Variants in PPP1R9A observed in about 807,000 individuals in gnomAD.
The protein encoded by PPP1R9A is protein phosphatase 1 regulatory subunit 9A.
In PPP1R9A, 59 loss-of-function variants were observed where a neutral mutation model predicts 141.9. The ratio of observed to expected loss-of-function variants is 0.42; its 90% CI spans 0.34 to 0.52. The LOEUF is 0.52. Among genes scored for constraint, PPP1R9A ranks in the 20% least tolerant of loss-of-function variants. The pLI is 0.10. For missense variants in PPP1R9A, 1,444 were observed against 1,611.9 expected (o/e 0.90, Z 1.78); for synonymous variants, 500 against 569.7 (o/e 0.88, Z 1.74).
intron 4 of PPP1R9A, among the ~76,000 whole-genome samples, chr7:95,154,056 T>C (rs919916595): frequency 2.0e-5 from 3 of 152,066 alleles, no homozygotes; most frequent in Admixed American, 2.0e-4. Context: ...TTTTTTAGTG[T>C]CCATTTTGTT....
At chr7:95,112,035 G>A (rs552145529) in intron 3 of PPP1R9A, among the ~76,000 whole-genome samples, 1 of 150,804 alleles carries the variant, frequency 6.6e-6, no homozygotes, top group Admixed American at 6.6e-5. Flanking sequence ...CTCTGAGAGA[G>A]CTTTGAAAAA....
chr7:95,110,897 G>T (rs897312213), intron 2 of PPP1R9A, among the ~76,000 whole-genome samples: 1 of 152,130 alleles, frequency 6.6e-6, no homozygotes, highest in Non-Finnish European at 1.5e-5. Flanking sequence ...GTAGGTATTT[G>T]CTTAGGTAGC....
At chr7:94,931,819 C>G (rs762650080) in intron 2 of PPP1R9A, among the ~76,000 whole-genome samples, 12 of 152,214 alleles carry the variant, frequency 7.9e-5, no homozygotes, top group Non-Finnish European at 1.5e-4. Flanking sequence ...CTCAGGTCAT[C>G]TGCCAGGCTT....
intron 12 of PPP1R9A, among the ~76,000 whole-genome samples, chr7:95,264,207 G>C (rs1440701492): frequency 2.0e-5 from 3 of 152,196 alleles, no homozygotes; most frequent in Non-Finnish European, 4.4e-5. Flanking sequence ...ATGATATGCA[G>C]ATACTGTTCA....
At chr7:95,095,228 A>G (rs1817872225) in intron 2 of PPP1R9A, among the ~76,000 whole-genome samples, 1 of 152,176 alleles carries the variant, frequency 6.6e-6, no homozygotes, top group South Asian at 2.1e-4. Flanking sequence ...ATTTTAATAA[A>G]GAAATTACCA....
intron 2 of PPP1R9A, among the ~76,000 whole-genome samples, chr7:94,954,970 G>T (rs998673339): frequency 6.6e-6 from 1 of 151,202 alleles, no homozygotes; most frequent in Non-Finnish European, 1.5e-5. Context: ...GGTCATTTTT[G>T]TTATTCTGCT....
At chr7:95,152,862 TGAGGCAGAGACAG>T (rs1828953973) in intron 4 of PPP1R9A, among the ~76,000 whole-genome samples, 1 of 144,448 alleles carries the variant, frequency 6.9e-6, no homozygotes. Flanking sequence ...TTTTTTTCTT[TGAGGCAGAGACAG>T]TCTCACTCTG....
intron 16 of PPP1R9A, among the ~76,000 whole-genome samples, chr7:95,281,134 C>T (rs1248500250): frequency 6.6e-6 from 1 of 152,144 alleles, no homozygotes; most frequent in African/African-American, 2.4e-5. Flanking sequence ...CTGTTCAGTT[C>T]TTTAAGGATA....
chr7:95,219,981 T>C (rs926646400), intron 7 of PPP1R9A, among the ~76,000 whole-genome samples: 1 of 152,112 alleles, frequency 6.6e-6, no homozygotes. Context: ...GTTAGCATAT[T>C]CTAGGCACTG....
chr7:95,005,550 AG>A (rs1803477209), intron 2 of PPP1R9A, among the ~76,000 whole-genome samples: 2 of 152,204 alleles, frequency 1.3e-5, no homozygotes, highest in Admixed American at 6.5e-5. Flanking sequence ...TATGCAAAAA[AG>A]AAAATCCACA....
intron 4 of PPP1R9A, among the ~76,000 whole-genome samples, chr7:95,128,959 G>A (rs890177408): frequency 9.9e-5 from 15 of 152,072 alleles, no homozygotes; most frequent in Non-Finnish European, 1.8e-4. Context: ...CTAGGTTTTC[G>A]TCTATGATTC....
intron 7 of PPP1R9A, among the ~76,000 whole-genome samples, chr7:95,210,364 A>G (rs1386865431): frequency 6.6e-6 from 1 of 152,164 alleles, no homozygotes; most frequent in Non-Finnish European, 1.5e-5. Context: ...ATAAAAATTA[A>G]TTTGATATTT....
intron 16 of PPP1R9A, among the ~76,000 whole-genome samples, chr7:95,277,939 G>A (rs192290935): frequency 6.6e-6 from 1 of 152,224 alleles, no homozygotes; most frequent in East Asian, 1.9e-4. Flanking sequence ...AAAACTCTGT[G>A]AGATGTGTGT....
At chr7:94,913,546 A>G (rs572997924) in intron 2 of PPP1R9A, among the ~76,000 whole-genome samples, 1 of 152,278 alleles carries the variant, frequency 6.6e-6, no homozygotes, top group South Asian at 2.1e-4. Context: ...CTTGGAGTGG[A>G]TTAAGTTTGC....
intron 2 of PPP1R9A, among the ~76,000 whole-genome samples, chr7:95,070,593 G>GTATATATACATATATATATATATATA (rs1813637301): frequency 8.9e-6 from 1 of 111,940 alleles, no homozygotes; most frequent in Non-Finnish European, 1.9e-5. Context: ...TAAATCTCTG[G>GTATATATACATATATATATATATATA]TATATATATA....
chr7:95,052,296 G>C (rs557961783), intron 2 of PPP1R9A, among the ~76,000 whole-genome samples: 68 of 152,254 alleles, frequency 4.5e-4, no homozygotes, highest in African/African-American at 1.6e-3. Flanking sequence ...TGAGAAAGAA[G>C]GCAAGATAAG....
At chr7:94,943,095 T>C (rs1563025457) in intron 2 of PPP1R9A, among the ~76,000 whole-genome samples, 2 of 152,150 alleles carry the variant, frequency 1.3e-5, no homozygotes, top group African/African-American at 4.8e-5. Flanking sequence ...ATGTACTGTT[T>C]ACTGTTCTTC....
intron 2 of PPP1R9A, among the ~76,000 whole-genome samples, chr7:95,072,639 T>C (rs1415068536): frequency 5.6e-5 from 7 of 125,896 alleles, no homozygotes; most frequent in African/African-American, 2.1e-4. Flanking sequence ...AATTTTATAA[T>C]ATATAATATA....
intron 8 of PPP1R9A, among the ~76,000 whole-genome samples, chr7:95,243,187 CAT>C (rs943969023): frequency 6.6e-6 from 1 of 152,142 alleles, no homozygotes; most frequent in Non-Finnish European, 1.5e-5. Flanking sequence ...GCCAAAGACA[CAT>C]GACATCTGAT....
Sources: allele counts gnomAD v4.1 joint callset (sites outside exome capture counted in the v4.1 genomes callset), GRCh38; gene constraint gnomAD v4.1.1; transcripts MANE v1.5; gene names NCBI Gene and HGNC (gene_info 2026-07-23, HGNC 2026-07-21).